Variants in FAM120A observed in about 807,000 individuals in gnomAD.
FAM120A encodes constitutive coactivator of PPAR-gamma-like protein 1.
Under a neutral mutation model 109.7 loss-of-function variants are expected in FAM120A, and 15 were observed. The observed-to-expected ratio is 0.14, with a 90% CI of 0.09 to 0.21. The LOEUF (loss-of-function observed/expected upper bound fraction) is 0.21, where lower values mean the gene tolerates loss of function less well. FAM120A is among the 10% of genes least tolerant of loss of function. FAM120A has a pLI of 1.00. For missense variants in FAM120A, 899 were observed against 1,439.3 expected, an observed-to-expected ratio of 0.62 and a Z score of 6.07; for synonymous variants, 493 against 572.8, an observed-to-expected ratio of 0.86 and a Z score of 1.99.
At chr9:93,457,006 GT>G (rs918205411) in intron 1 of FAM120A, among the ~76,000 whole-genome samples, 1 of 152,160 alleles carries the variant, frequency 6.6e-6, no homozygotes, top group Non-Finnish European at 1.5e-5. Flanking sequence ...TTTGTCACTA[GT>G]TTAATTCACA....
At chr9:93,479,775 A>T (rs1687361539) in intron 3 of FAM120A, among the ~76,000 whole-genome samples, 1 of 152,198 alleles carries the variant, frequency 6.6e-6, no homozygotes, top group Non-Finnish European at 1.5e-5. Context: ...ATTTCACTAC[A>T]TGCATTCATT....
At chr9:93,510,107 G>A (rs1012196391) in intron 5 of FAM120A, among the ~76,000 whole-genome samples, 1 of 152,138 alleles carries the variant, frequency 6.6e-6, no homozygotes, top group Admixed American at 6.5e-5. Flanking sequence ...TGAGTAGAAC[G>A]GCCACTCATC....
chr9:93,463,923 C>A (rs1189444925), intron 1 of FAM120A, among the ~76,000 whole-genome samples: 1 of 152,142 alleles, frequency 6.6e-6, no homozygotes, highest in Admixed American at 6.5e-5. Context: ...ATTTGTCAAG[C>A]GCTTATTATT....
intron 3 of FAM120A, among the ~76,000 whole-genome samples, chr9:93,496,722 G>A (rs190508289): frequency 2.0e-5 from 3 of 152,306 alleles, no homozygotes; most frequent in South Asian, 2.1e-4. Context: ...CAGCATATTC[G>A]CAGGTTCTGG....
At chr9:93,469,778 C>G (rs141933942) in intron 1 of FAM120A, among the ~76,000 whole-genome samples, 1 of 151,638 alleles carries the variant, frequency 6.6e-6, no homozygotes, top group African/African-American at 2.4e-5. Context: ...AAATGTTTAC[C>G]GAGAATTCAG....
In FAM120A at chr9:93,516,379, C is replaced by T. The variant is rs2482298; in HGVS notation, c.1418+110C>T. 1,337 of 1,493,752 alleles carry T rather than the reference C, an allele frequency of 9.0e-4. 12 individuals carry two copies. In the African/African-American group the frequency reaches 0.015, roughly 17 times the overall value. The allele number at this position is 1,493,752 out of a possible 1,614,324, so 92.5% of individuals were successfully genotyped here. ...TTTTGCTCAGAGATGTAGTTTATTG[C>T]AGGTGGGTGATGGTCAGTCTGTACT... On this transcript the variant is annotated intron_variant, in intron 7 of 17. Coordinates refer to ENST00000277165, the MANE Select transcript of FAM120A (RefSeq NM_014612.5).
intron 3 of FAM120A, among the ~76,000 whole-genome samples, chr9:93,478,279 G>GTTTT (rs1051164882): frequency 7.0e-6 from 1 of 142,154 alleles, no homozygotes; most frequent in Non-Finnish European, 1.6e-5. Flanking sequence ...TCATTTATAG[G>GTTTT]TTTTTTTTTT....
At position 93,543,293 on chromosome 9, in the gene FAM120A, G is replaced by A. The variant is rs545053059; in HGVS notation, c.1981G>A (p.Ala661Thr). The change falls in exon 11 of 18, where the codon GCT becomes ACT. Residue 661 changes from alanine to threonine, a missense_variant. Physicochemically the swap from Ala to Thr is moderately conservative, Grantham distance 58. This residue lies in a region of FAM120A where 133 missense variants were observed against 276.6 expected (regional missense o/e 0.48). Transcript: ENST00000277165. ...KSPQTPELVE[A>T]LAFREWTCPN... ...TCCTCAAACCCCGGAACTGGTTGAA[G>A]CTCTTGCCTTCAGGGAGTGGACCTG... 6.2e-7 allele frequency: 1 copy of A among 1,614,224 alleles called. No homozygotes were observed. Among genetic ancestry groups the A allele is most frequent in the African/African-American group, 1.3e-5 (1 of 75,048 alleles).
At position 93,452,922 on chromosome 9, in the gene FAM120A, A is replaced by G. The variant is rs1857340008; in HGVS notation, c.474+533A>G. ...ATGTTGTTAGCCCGGTGACAGCGAG[A>G]CGTGTCTAAGGGCCAGTGCCCTGGC... On this transcript the variant is annotated intron_variant, in intron 1 of 17. Transcript: ENST00000277165. The surrounding 1 kb of genome is among the most constrained non-coding windows in gnomAD (Gnocchi z 7.0). 7.0e-7 allele frequency: 1 copy of G among 1,425,002 alleles called. No individual in the cohort carries two copies. Among genetic ancestry groups the G allele is most frequent in the African/African-American group, 1.4e-5 (1 of 69,134 alleles). The allele number at this position is 1,425,002 out of a possible 1,614,324, so 88.3% of individuals were successfully genotyped here.
intron 10 of FAM120A, among the ~76,000 whole-genome samples, chr9:93,542,532 T>A (rs996736581): frequency 6.6e-6 from 1 of 152,252 alleles, no homozygotes; most frequent in Non-Finnish European, 1.5e-5. Flanking sequence ...ATTGTTTCCA[T>A]GTTACATCAA....
intron 1 of FAM120A, chr9:93,453,705 A>T (rs1857403940): frequency 1.1e-6 from 1 of 885,072 alleles, no homozygotes; most frequent in African/African-American, 1.8e-5. Flanking sequence ...CACAGCTGCC[A>T]TTCCTCAGGG....
intron 10 of FAM120A, among the ~76,000 whole-genome samples, chr9:93,540,660 A>G (rs1861662038): frequency 6.6e-6 from 1 of 152,116 alleles, no homozygotes; most frequent in Admixed American, 6.5e-5. Flanking sequence ...ATTCAGGTAC[A>G]CGGGAGGCCC....
chr9:93,507,928 A>G (rs918632916), intron 5 of FAM120A, among the ~76,000 whole-genome samples: 2 of 152,204 alleles, frequency 1.3e-5, no homozygotes, highest in African/African-American at 4.8e-5. Flanking sequence ...AGTCATTTCC[A>G]TAAAGGGGTG....
chr9:93,456,312 TGTG>T (rs1052667317), intron 1 of FAM120A, among the ~76,000 whole-genome samples: 2 of 152,212 alleles, frequency 1.3e-5, no homozygotes, highest in Non-Finnish European at 2.9e-5. Flanking sequence ...CTATATGACT[TGTG>T]GTATCAGTGT....
At chr9:93,492,646 G>T (rs113592840) in intron 3 of FAM120A, among the ~76,000 whole-genome samples, 2 of 152,306 alleles carry the variant, frequency 1.3e-5, no homozygotes, top group African/African-American at 4.8e-5. Flanking sequence ...CTCTGCACAG[G>T]CTCAGAGCTG....
intron 11 of FAM120A, among the ~76,000 whole-genome samples, chr9:93,548,483 G>A (rs1861974028): frequency 6.6e-6 from 1 of 152,156 alleles, no homozygotes; most frequent in South Asian, 2.1e-4. Context: ...AAGATGAAAG[G>A]AGTTCTGTGG....
At chr9:93,527,081 C>A (rs2131456011) in intron 7 of FAM120A, 74 bp from the exon 8 acceptor site, 4 of 1,183,334 alleles carry the variant, frequency 3.4e-6, no homozygotes, top group Non-Finnish European at 5.1e-6. Context: ...GAAGACTTAG[C>A]TGAGGCCCTT....
chr9:93,470,977 G>A (rs556691954), intron 1 of FAM120A, among the ~76,000 whole-genome samples, 164 bp from the exon 2 acceptor site: 23 of 152,320 alleles, frequency 1.5e-4, no homozygotes, highest in African/African-American at 3.4e-4. Context: ...TCTTAGTGGA[G>A]CAATGTGTTG....
chr9:93,461,032 G>A (rs1360292396), intron 1 of FAM120A, among the ~76,000 whole-genome samples: 2 of 152,160 alleles, frequency 1.3e-5, no homozygotes, highest in Admixed American at 6.5e-5. Context: ...AGGCATCTTA[G>A]GGGACAGTGT....
Sources: allele counts gnomAD v4.1 joint callset (sites outside exome capture counted in the v4.1 genomes callset), GRCh38; gene constraint gnomAD v4.1.1; regional missense constraint gnomAD v4.1.1; non-coding constraint Gnocchi (gnomAD v3.1); transcripts MANE v1.5; gene names NCBI Gene and HGNC (gene_info 2026-07-23, HGNC 2026-07-21).